Variants in COL22A1 observed in about 807,000 individuals in gnomAD.
COL22A1 encodes the protein collagen alpha-1(XXII) chain.
Under a neutral mutation model 248.9 loss-of-function variants are expected in COL22A1, and 221 were observed. The ratio of observed to expected loss-of-function variants is 0.89; its 90% CI spans 0.80 to 0.99. The LOEUF (loss-of-function observed/expected upper bound fraction) is 0.99, where lower values mean the gene tolerates loss of function less well. COL22A1 is among the 50% of genes least tolerant of loss of function. COL22A1 has a pLI of 0.00. For synonymous variants in COL22A1, 891 were observed against 793.4 expected, an observed-to-expected ratio of 1.12 and a Z score of -2.07; for missense variants, 2,240 against 2,179.0, an observed-to-expected ratio of 1.03 and a Z score of -0.56.
At chr8:138,747,829 A>G (rs1039301779) in intron 22 of COL22A1, among the ~76,000 whole-genome samples, 8 of 152,176 alleles carry the variant, frequency 5.3e-5, no homozygotes, top group African/African-American at 1.9e-4. Flanking sequence ...AAGGGGCAGG[A>G]GGGAATAAAA....
At chr8:138,821,493 C>T (rs1819128359) in intron 6 of COL22A1, 82 bp from the exon 7 acceptor site, 2 of 1,384,042 alleles carry the variant, frequency 1.4e-6, no homozygotes, top group Admixed American at 3.6e-5. Context: ...AGTTCAGAGT[C>T]AGACCTGGCA....
intron 55 of COL22A1, among the ~76,000 whole-genome samples, chr8:138,614,897 C>T (rs1819187948): frequency 6.6e-6 from 1 of 152,332 alleles, no homozygotes; most frequent in Middle Eastern, 3.4e-3. Flanking sequence ...GGGCCACGTG[C>T]TCCGGTGTGT....
chr8:138,703,348 C>A lies in COL22A1; in HGVS notation c.2518-1G>T. On this transcript the variant is annotated splice_acceptor_variant, in intron 30 of 64. Transcript: ENST00000303045. LOFTEE classifies it high-confidence loss of function. The stretch of plus-strand genomic sequence containing the variant: ...GAGGGCCTGCAGGACCAGCTTCACC[C>A]TAGATGGAGAAATGGAAAATCCATG... 6.2e-7 allele frequency: 1 copy of A among 1,613,536 alleles called. No homozygotes were observed. Among genetic ancestry groups the A allele is most frequent in the Non-Finnish European group, 8.5e-7 (1 of 1,179,460 alleles).
intron 45 of COL22A1, among the ~76,000 whole-genome samples, chr8:138,650,058 T>G (rs547949495): frequency 6.6e-6 from 1 of 152,200 alleles, no homozygotes; most frequent in African/African-American, 2.4e-5. Flanking sequence ...TCTGGAAGGA[T>G]AGCCTGAGGA....
At chr8:138,683,985 T>C (rs546132387) in intron 39 of COL22A1, among the ~76,000 whole-genome samples, 163 of 152,234 alleles carry the variant, frequency 1.1e-3, no homozygotes, top group African/African-American at 3.7e-3. Flanking sequence ...GTGCACTGGT[T>C]CTATCTTCTC....
At chr8:138,681,392 A>G (rs1825952552) in intron 39 of COL22A1, among the ~76,000 whole-genome samples, 1 of 152,158 alleles carries the variant, frequency 6.6e-6, no homozygotes, top group South Asian at 2.1e-4. Flanking sequence ...TCCCAAAGAT[A>G]TAGCTACAGA....
At chr8:138,767,970 G>A (rs1341746241) in intron 16 of COL22A1, among the ~76,000 whole-genome samples, 1 of 152,132 alleles carries the variant, frequency 6.6e-6, no homozygotes, top group Non-Finnish European at 1.5e-5. Context: ...CTGAATTAAC[G>A]TATTGTTTTC....
At chr8:138,813,566 C>T (rs1476471900) in intron 7 of COL22A1, among the ~76,000 whole-genome samples, 2 of 152,176 alleles carry the variant, frequency 1.3e-5, no homozygotes, top group Non-Finnish European at 2.9e-5. Context: ...AGTGTGAGAA[C>T]AGACTAATAC....
chr8:138,704,677 C>T (rs972850739), intron 30 of COL22A1, among the ~76,000 whole-genome samples: 2 of 152,116 alleles, frequency 1.3e-5, no homozygotes, highest in African/African-American at 4.8e-5. Context: ...GGGGAGAAAC[C>T]AGAGCAGAAA....
chr8:138,780,202 G>A (rs1215172639), intron 13 of COL22A1, among the ~76,000 whole-genome samples: 1 of 152,130 alleles, frequency 6.6e-6, no homozygotes, highest in Non-Finnish European at 1.5e-5. Flanking sequence ...CACCTAGAGT[G>A]GAGTGAGAAG....
chr8:138,728,948 T>C (rs1362604236), intron 23 of COL22A1, among the ~76,000 whole-genome samples: 1 of 151,726 alleles, frequency 6.6e-6, no homozygotes, highest in East Asian at 1.9e-4. Context: ...CCACCACCAC[T>C]AGCACTGCTG....
At chr8:138,714,434 G>A (rs1829275282) in intron 30 of COL22A1, among the ~76,000 whole-genome samples, 1 of 152,180 alleles carries the variant, frequency 6.6e-6, no homozygotes, top group African/African-American at 2.4e-5. Context: ...AGGACGGGAT[G>A]AGATGCTGAG....
Position 138,616,051 on chromosome 8 carries a change from C to T in COL22A1, c.3874G>A (p.Glu1292Lys). 1 of 1,613,114 alleles carries T rather than the reference C, an allele frequency of 6.2e-7. No individual in the cohort carries two copies. Among genetic ancestry groups the T allele is most frequent in the Admixed American group, 1.7e-5 (1 of 60,016 alleles). ...GDSGAPGPRG[E>K]SGAMGLPGQE... ...CCAGGAAGCCCCATGGCACCAGACT[C>T]TCCCTAGGAACAAAAAAGCCTGCTA... The change falls in exon 55 of 65, where the codon GAG (glutamate) becomes AAG (lysine). Residue 1292 changes from glutamate to lysine, a missense_variant. Transcript: ENST00000303045.
intron 5 of COL22A1, among the ~76,000 whole-genome samples, chr8:138,829,859 ATC>A (rs1819895184): frequency 6.6e-6 from 1 of 152,144 alleles, no homozygotes; most frequent in African/African-American, 2.4e-5. Context: ...GTACAGATTT[ATC>A]TGTTAATGAC....
chr8:138,614,041 G>T, intron 55 of COL22A1, 121 bp from the exon 56 acceptor site: 2 of 774,690 alleles, frequency 2.6e-6, no homozygotes, highest in East Asian at 2.5e-5. Flanking sequence ...AAATTGTCCA[G>T]CATGTTTCAT....
At chr8:138,715,569 TAAAAAA>T in intron 30 of COL22A1, 107 bp downstream of exon 30, 1 of 58,844 alleles carries the variant, frequency 1.7e-5, no homozygotes, top group Non-Finnish European at 3.6e-5. Flanking sequence ...ACTCTCATTT[TAAAAAA>T]AAAAAAAAAA....
chr8:138,693,693 T>C lies in COL22A1; in HGVS notation c.2707A>G (p.Lys903Glu). ...GCCCCATGTGCACCTTCCTGTCCCT[T>C]GGCACCCTGCACAGGAAATAAAAGA... ...PQGPTGPPGA[K>E]GQEGAHGAPG... The change falls in exon 35 of 65, where the codon AAG becomes GAG. Residue 903 changes from lysine (K) to glutamate (E), a missense_variant. Coordinates refer to ENST00000303045, the MANE Select transcript of COL22A1 (RefSeq NM_152888.3). 1.1e-5 allele frequency: 17 copies of C among 1,575,612 alleles called. No homozygotes were observed. Among genetic ancestry groups the C allele is most frequent in the Non-Finnish European group, 1.5e-5 (17 of 1,160,154 alleles).
At chr8:138,594,492 T>G (rs1213145750) in intron 62 of COL22A1, among the ~76,000 whole-genome samples, 1 of 152,146 alleles carries the variant, frequency 6.6e-6, no homozygotes, top group Admixed American at 6.5e-5. Context: ...CTGGAGCAAG[T>G]CTGCCCAGGC....
At chr8:138,806,228 A>AATGGTGTGTGGTGG (rs1817715731) in intron 10 of COL22A1, among the ~76,000 whole-genome samples, 1 of 50,696 alleles carries the variant, frequency 2.0e-5, no homozygotes, top group Admixed American at 1.8e-4. Context: ...GTGATGGGGT[A>AATGGTGTGTGGTGG]TGTGTGTGAT....
Sources: allele counts gnomAD v4.1 joint callset (sites outside exome capture counted in the v4.1 genomes callset), GRCh38; gene constraint gnomAD v4.1.1; transcripts MANE v1.5; gene names NCBI Gene and HGNC (gene_info 2026-07-23, HGNC 2026-07-21).